Variants in WWOX observed in about 807,000 individuals in gnomAD.
The protein encoded by WWOX is WW domain containing oxidoreductase, also known as WW domain-containing oxidoreductase.
In WWOX, 69 loss-of-function variants were observed where a neutral mutation model predicts 46.2. The observed-to-expected ratio is 1.49, with a 90% CI of 1.23 to 1.82. The LOEUF is 1.82. WWOX is among the 40% of genes most tolerant of loss of function. The pLI, the probability that WWOX is intolerant of heterozygous loss-of-function variation, is 0.00. For synonymous variants in WWOX, 359 were observed against 202.6 expected (o/e 1.77, Z -6.56); for missense variants, 919 against 542.6 (o/e 1.69, Z -6.89).
At chr16:79,209,477 G>A (rs1274346441) in intron 8 of WWOX, among the ~76,000 whole-genome samples, 2 of 152,172 alleles carry the variant, frequency 1.3e-5, no homozygotes, top group Non-Finnish European at 2.9e-5. Flanking sequence ...CTGTCATGAC[G>A]TTTGAATGCT....
intron 8 of WWOX, among the ~76,000 whole-genome samples, chr16:78,618,094 G>A (rs1333963130): frequency 3.3e-5 from 5 of 152,208 alleles, no homozygotes; most frequent in Non-Finnish European, 7.3e-5. Context: ...GGCCATGACT[G>A]TCCACATTTT....
rs375934868 is a variant in WWOX at position 78,425,011 on chromosome 16, C to G, written c.747C>G (p.Arg249=). The G allele has an allele frequency of 2.6e-4, 427 of 1,614,104 alleles. 3 individuals carry two copies. The South Asian group carries it at 4.5e-3, about 17-fold the overall frequency. The change falls in exon 7 of 9, where the codon CGC becomes CGG. Residue 249 remains arginine (R), a synonymous_variant. Coordinates refer to ENST00000566780, the MANE Select transcript of WWOX (RefSeq NM_016373.4). The part of the protein sequence containing the change: ...LVQLLQDVLC[R]SAPARVIVVS... Reference sequence around the variant, plus strand: ...AGCTCCTCCAGGATGTTTTGTGCCGCTCAGCTCCTGCCCGTGTCATTGTGG... The same window carrying G: ...AGCTCCTCCAGGATGTTTTGTGCCGGTCAGCTCCTGCCCGTGTCATTGTGG...
chr16:78,761,579 G>C (rs947392273), intron 8 of WWOX, among the ~76,000 whole-genome samples: 3 of 151,970 alleles, frequency 2.0e-5, no homozygotes, highest in Non-Finnish European at 2.9e-5. Context: ...CTTGACCTCA[G>C]GACTCTCGCT....
At chr16:78,825,764 G>A in intron 8 of WWOX, 5 of 591,952 alleles carry the variant, frequency 8.4e-6, no homozygotes, top group South Asian at 5.4e-5. Flanking sequence ...CGGAGACCAT[G>A]TTAACTAGTA....
At chr16:78,690,214 G>T (rs1348765344) in intron 8 of WWOX, among the ~76,000 whole-genome samples, 1 of 152,124 alleles carries the variant, frequency 6.6e-6, no homozygotes, top group Non-Finnish European at 1.5e-5. Flanking sequence ...TGAGGACCAT[G>T]TGTTGTGTAG....
At chr16:78,425,178 C>A in intron 7 of WWOX, 123 bp downstream of exon 7, 1 of 1,306,200 alleles carries the variant, frequency 7.7e-7, no homozygotes, top group Non-Finnish European at 1.1e-6. Flanking sequence ...GTGGACTCAG[C>A]TTGGCTCACT....
At chr16:78,514,371 T>C (rs1055656224) in intron 8 of WWOX, among the ~76,000 whole-genome samples, 1 of 152,216 alleles carries the variant, frequency 6.6e-6, no homozygotes, top group Non-Finnish European at 1.5e-5. Flanking sequence ...AGTTCACTAT[T>C]AGGTCCATGA....
At position 79,028,107 on chromosome 16, in the gene WWOX, C is replaced by T. The variant is rs543944766; in HGVS notation, c.1057-183501C>T. ...CTGAGACTACAGGCACCTGCCACGA[C>T]GCCTGGCTAATTTTTGTATTTTCAG... On this transcript the variant is annotated intron_variant, in intron 8 of 8. Transcript: ENST00000566780. Among the ~76,000 whole-genome samples the T allele has an allele frequency of 1.1e-4, 17 of 151,820 alleles. 1 individual carries two copies. The highest frequency in any genetic ancestry group is 2.9e-4 in the African/African-American group (12 of 41,168).
At chr16:78,681,398 T>C (rs998796199) in intron 8 of WWOX, among the ~76,000 whole-genome samples, 1 of 152,188 alleles carries the variant, frequency 6.6e-6, no homozygotes, top group Non-Finnish European at 1.5e-5. Context: ...AGCGAGACTC[T>C]GTCTCAAAAA....
chr16:78,296,414 G>A (rs150875279), intron 5 of WWOX, among the ~76,000 whole-genome samples: 1 of 151,740 alleles, frequency 6.6e-6, no homozygotes, highest in African/African-American at 2.4e-5. Flanking sequence ...AGGGCTCAAA[G>A]GTAATTTCAT....
chr16:78,323,634 C>G lies in WWOX; in HGVS notation c.517-63226C>G, dbSNP rs187618223. Among the ~76,000 whole-genome samples, 34 of 152,262 alleles carry G rather than the reference C, an allele frequency of 2.2e-4. 1 individual carries two copies. In the East Asian group the frequency reaches 6.2e-3, roughly 28 times the overall value. On this transcript the variant is annotated intron_variant, in intron 5 of 8. Coordinates refer to ENST00000566780, the MANE Select transcript of WWOX (RefSeq NM_016373.4). ...CACTATTTGGTTGTGAGGCTGTGGA[C>G]TTTACTTTTCACGCATGGCATTGAA...
chr16:78,250,996 C>T (rs567186224), intron 5 of WWOX, among the ~76,000 whole-genome samples: 1 of 152,194 alleles, frequency 6.6e-6, no homozygotes, highest in Admixed American at 6.5e-5. Flanking sequence ...GGGTTGGTCA[C>T]TCCTGGATTC....
intron 8 of WWOX, among the ~76,000 whole-genome samples, chr16:79,048,817 T>C (rs977126501): frequency 6.6e-6 from 1 of 152,146 alleles, no homozygotes; most frequent in African/African-American, 2.4e-5. Flanking sequence ...CACACAGTGG[T>C]CACCAGCATT....
chr16:78,337,471 C>A (rs1390728680), intron 5 of WWOX, among the ~76,000 whole-genome samples: 2 of 152,098 alleles, frequency 1.3e-5, no homozygotes, highest in East Asian at 1.9e-4. Context: ...ATTAATAAAC[C>A]AATATCGATA....
intron 8 of WWOX, among the ~76,000 whole-genome samples, chr16:78,979,645 G>C (rs996046916): frequency 1.3e-5 from 2 of 152,142 alleles, no homozygotes; most frequent in African/African-American, 2.4e-5. Flanking sequence ...TTGTTACTCA[G>C]ATGTCTCTAA....
At chr16:78,629,142 C>A (rs1033030751) in intron 8 of WWOX, among the ~76,000 whole-genome samples, 3 of 152,032 alleles carry the variant, frequency 2.0e-5, no homozygotes, top group Non-Finnish European at 2.9e-5. Flanking sequence ...TCAAAGGGCA[C>A]CACTGCTCGC....
chr16:78,869,660 G>C (rs565914285), intron 8 of WWOX, among the ~76,000 whole-genome samples: 28 of 152,314 alleles, frequency 1.8e-4, no homozygotes, highest in Non-Finnish European at 3.4e-4. Context: ...TTTTGTGGAC[G>C]TGGGGAGTGG....
intron 8 of WWOX, among the ~76,000 whole-genome samples, chr16:79,137,323 G>T (rs568862604): frequency 6.6e-6 from 1 of 152,296 alleles, no homozygotes; most frequent in East Asian, 1.9e-4. Context: ...GACAATCTTG[G>T]CAAGGCTTAT....
intron 5 of WWOX, among the ~76,000 whole-genome samples, chr16:78,210,305 A>C (rs985220845): frequency 6.6e-6 from 1 of 152,222 alleles, no homozygotes; most frequent in Admixed American, 6.5e-5. Context: ...ACAGGGAAGC[A>C]TCGGCTTCAG....
Sources: gnomAD v4.1 joint callset for allele counts (sites outside exome capture counted in the v4.1 genomes callset) on GRCh38, gnomAD v4.1.1 for gene constraint, MANE v1.5 for transcripts, NCBI Gene and HGNC (gene_info 2026-07-23, HGNC 2026-07-21) for gene names.